MKLN1: variants seen among roughly 807,000 people sequenced by gnomAD.
MKLN1 encodes the protein muskelin 1.
Under a neutral mutation model 99.0 loss-of-function variants are expected in MKLN1, and 18 were observed. That is an observed-to-expected ratio of 0.18 (90% confidence interval 0.13 to 0.27). The LOEUF is 0.27. Among genes scored for constraint, MKLN1 ranks in the 10% least tolerant of loss-of-function variants. The pLI is 1.00. For synonymous variants in MKLN1, 288 were observed against 293.2 expected (o/e 0.98, Z 0.18); for missense variants, 621 against 875.9 (o/e 0.71, Z 3.67).
At chr7:131,310,620 C>T (rs1798547816) in intron 3 of MKLN1, 1 of 152,202 alleles carries the variant, frequency 6.6e-6, no homozygotes, top group African/African-American at 2.4e-5. Flanking sequence ...TGAAAGGGAA[C>T]TACGTAGACA....
At chr7:131,411,024 G>T (rs964213306) in intron 6 of MKLN1, among the ~76,000 whole-genome samples, 2 of 151,950 alleles carry the variant, frequency 1.3e-5, no homozygotes, top group Non-Finnish European at 2.9e-5. Flanking sequence ...CAGTGACTTT[G>T]TATCTAATAC....
chr7:131,405,223 A>G (rs1176775937), intron 6 of MKLN1, among the ~76,000 whole-genome samples: 1 of 151,870 alleles, frequency 6.6e-6, no homozygotes, highest in African/African-American at 2.4e-5. Context: ...CTTATCTTGA[A>G]TATATATATA....
At chr7:131,342,342 A>G (rs892691166) in intron 1 of MKLN1, among the ~76,000 whole-genome samples, 1 of 152,210 alleles carries the variant, frequency 6.6e-6, no homozygotes, top group Non-Finnish European at 1.5e-5. Flanking sequence ...TTGAGAATAC[A>G]TGAATTAGCT....
chr7:131,492,369 G>C lies in MKLN1; in HGVS notation c.*4641G>C, dbSNP rs1292233367. 6.6e-6 allele frequency: 1 copy of C among 152,004 alleles called. No homozygotes were observed. Among genetic ancestry groups the C allele is most frequent in the Admixed American group, 6.6e-5 (1 of 15,244 alleles). The allele number at this position is 152,004 out of a possible 1,614,324, so 9.4% of individuals were successfully genotyped here. A position where few individuals can be genotyped will look rare whatever the true frequency, so the allele number is the denominator to read the frequency against. Reference sequence around the variant, plus strand: ...TGGCTTCAGTTGCCATGAAATGATTGCTTTTCTTTTTCTTTTTTTTTCCTT... The same window carrying C: ...TGGCTTCAGTTGCCATGAAATGATTCCTTTTCTTTTTCTTTTTTTTTCCTT... On this transcript the variant is annotated 3_prime_UTR_variant, in exon 18 of 18. Coordinates refer to ENST00000352689, the MANE Select transcript of MKLN1 (RefSeq NM_013255.5).
chr7:131,182,545 A>G (rs1796391070), intron 2 of MKLN1, among the ~76,000 whole-genome samples: 1 of 152,252 alleles, frequency 6.6e-6, no homozygotes, highest in Non-Finnish European at 1.5e-5. Context: ...TTCCAGAAGC[A>G]TTTTAAGGAA....
chr7:131,184,821 C>G (rs549908723), intron 2 of MKLN1, among the ~76,000 whole-genome samples: 3 of 152,260 alleles, frequency 2.0e-5, no homozygotes, highest in Admixed American at 1.3e-4. Flanking sequence ...CCACCATGCC[C>G]GGCCAGCAAT....
chr7:131,112,885 C>T (rs964675184), intron 1 of MKLN1, among the ~76,000 whole-genome samples: 1 of 152,198 alleles, frequency 6.6e-6, no homozygotes, highest in African/African-American at 2.4e-5. Flanking sequence ...TGGAATTTTT[C>T]AAATTCACAG....
In MKLN1 at chr7:131,493,401, G is replaced by A. The variant is rs1044123364; in HGVS notation, c.*5673G>A. 5 of 152,204 alleles carry A rather than the reference G, an allele frequency of 3.3e-5. No individual in the cohort carries two copies. The highest frequency in any genetic ancestry group is 3.4e-3 in the Middle Eastern group (1 of 294). The allele number at this position is 152,204 out of a possible 1,614,324, so 9.4% of individuals were successfully genotyped here. On this transcript the variant is annotated 3_prime_UTR_variant, in exon 18 of 18. Transcript: ENST00000352689. ...TATGGATTTTAGAGGTCCACAAATCGAAAGGAAAAATAAATTTCTTCATTT... is the reference window on the plus strand; with the variant it reads ...TATGGATTTTAGAGGTCCACAAATCAAAAGGAAAAATAAATTTCTTCATTT...
intron 1 of MKLN1, among the ~76,000 whole-genome samples, chr7:131,142,066 CA>C (rs1424107057): frequency 3.3e-5 from 5 of 151,866 alleles, no homozygotes; most frequent in Admixed American, 3.3e-4. Context: ...TGCTGCAGCC[CA>C]GGAGTTTGAG....
chr7:131,203,051 C>A (rs1796755054), intron 3 of MKLN1: 1 of 152,192 alleles, frequency 6.6e-6, no homozygotes, highest in Non-Finnish European at 1.5e-5. Context: ...TATACTGTGC[C>A]CACGTTGGTG....
intron 3 of MKLN1, among the ~76,000 whole-genome samples, chr7:131,306,614 T>A (rs563847678): frequency 6.6e-6 from 1 of 152,282 alleles, no homozygotes; most frequent in African/African-American, 2.4e-5. Context: ...AAAGATTATT[T>A]AAGGTATCTA....
intron 2 of MKLN1, among the ~76,000 whole-genome samples, chr7:131,146,037 T>C (rs756484020): frequency 6.6e-6 from 1 of 152,226 alleles, no homozygotes; most frequent in Non-Finnish European, 1.5e-5. Flanking sequence ...TCATTTCTAA[T>C]ACATCAATCC....
chr7:131,204,256 G>A (rs4731764), intron 3 of MKLN1, among the ~76,000 whole-genome samples: 58,129 of 151,766 alleles, frequency 0.38, 11,639 homozygotes, highest in South Asian at 0.59. Flanking sequence ...GAATGAATAT[G>A]TAGTCAGAAC....
chr7:131,389,990 G>A (rs1209477715), intron 4 of MKLN1, among the ~76,000 whole-genome samples: 3 of 152,092 alleles, frequency 2.0e-5, no homozygotes, highest in Admixed American at 2.0e-4. Context: ...TAGATACTTT[G>A]AAGAATAATA....
chr7:131,263,129 A>T (rs1797757186), intron 3 of MKLN1, among the ~76,000 whole-genome samples: 1 of 152,100 alleles, frequency 6.6e-6, no homozygotes, highest in African/African-American at 2.4e-5. Flanking sequence ...GCCTCATATT[A>T]GGCTGTACAT....
At chr7:131,286,641 A>T (rs1352795800) in intron 3 of MKLN1, among the ~76,000 whole-genome samples, 1 of 152,222 alleles carries the variant, frequency 6.6e-6, no homozygotes, top group Non-Finnish European at 1.5e-5. Context: ...CAGAATGTCC[A>T]CTCTGTTTAA....
At chr7:131,421,827 A>T (rs916724766) in intron 8 of MKLN1, among the ~76,000 whole-genome samples, 36 of 152,352 alleles carry the variant, frequency 2.4e-4, no homozygotes, top group African/African-American at 7.7e-4. Context: ...GGGAAAAAGT[A>T]ACTCACTCAT....
intron 1 of MKLN1, among the ~76,000 whole-genome samples, chr7:131,130,582 C>T (rs946585647): frequency 1.3e-5 from 2 of 152,164 alleles, no homozygotes; most frequent in African/African-American, 4.8e-5. Context: ...AATGTTAATA[C>T]GTAAGAAGAT....
chr7:131,241,983 A>C (rs569680157), intron 3 of MKLN1, among the ~76,000 whole-genome samples: 1 of 152,260 alleles, frequency 6.6e-6, no homozygotes, highest in African/African-American at 2.4e-5. Context: ...TCAATCTGTT[A>C]ATCTGTTTTA....
Sources: allele counts gnomAD v4.1 joint callset (sites outside exome capture counted in the v4.1 genomes callset), GRCh38; gene constraint gnomAD v4.1.1; transcripts MANE v1.5; gene names NCBI Gene and HGNC (gene_info 2026-07-23, HGNC 2026-07-21).